Variants in GSN observed in about 807,000 individuals in gnomAD.
GSN encodes actin-depolymerizing factor.
A neutral mutation model predicts 85.7 loss-of-function variants in GSN; 56 were observed. The ratio of observed to expected loss-of-function variants is 0.65; its 90% confidence interval spans 0.53 to 0.82. GSN has a LOEUF of 0.82. Among genes scored for constraint, GSN ranks in the 40% least tolerant of loss-of-function variants. The pLI, the probability that GSN is intolerant of heterozygous loss-of-function variation, is 0.00. For synonymous variants in GSN, 373 were observed against 399.1 expected (o/e 0.93, Z 0.78); for missense variants, 857 against 979.8 (o/e 0.87, Z 1.67).
At position 121,329,111 on chromosome 9, in the gene GSN, G is replaced by A. The variant is rs2063596536; in HGVS notation, c.1887+96G>A. On this transcript the variant is annotated intron_variant, in intron 15 of 17. Coordinates refer to ENST00000432226, the MANE Select transcript of GSN (RefSeq NM_198252.3). The surrounding 1 kb of genome is among the most constrained non-coding windows in gnomAD (Gnocchi z 4.6). ...AGGGGCAGGAGAAACAGTTCTGATGGTGTGGCACAGAGGAAGGGGCCCCCT... is the reference window on the plus strand; with the variant it reads ...AGGGGCAGGAGAAACAGTTCTGATGATGTGGCACAGAGGAAGGGGCCCCCT... The A allele has an allele frequency of 6.4e-7, 1 of 1,555,020 alleles. No individual in the cohort carries two copies. Among genetic ancestry groups the A allele is most frequent in the Admixed American group, 1.7e-5 (1 of 57,404 alleles).
Position 121,318,822 on chromosome 9 carries a change from C to T in GSN, c.1133C>T (p.Thr378Ile). Residue 378 changes from threonine to isoleucine, a missense_variant, in exon 10 of 18, where the codon ACC (threonine) becomes ATC (isoleucine). Thr to Ile is a moderately conservative substitution (Grantham distance 89, BLOSUM62 -1). Transcript: ENST00000432226. The surrounding 1 kb of genome is among the most constrained non-coding windows in gnomAD (Gnocchi z 4.3). The part of the protein sequence containing the change: ...RVPFDAATLH[T>I]STAMAAQHGM... The stretch of plus-strand genomic sequence containing the variant: ...CCCTTCGACGCCGCCACCCTGCACA[C>T]CTCCACTGCCATGGCCGCCCAGCAC... The T allele has an allele frequency of 6.2e-7, 1 of 1,614,150 alleles. No individual in the cohort carries two copies.
chr9:121,228,227 C>T (rs1230520549), intron 4 of GSN, among the ~76,000 whole-genome samples: 1 of 151,700 alleles, frequency 6.6e-6, no homozygotes, highest in East Asian at 1.9e-4. Flanking sequence ...TAGCACAGAC[C>T]CTGCACACCC....
chr9:121,236,515 C>T (rs184807749), intron 5 of GSN, among the ~76,000 whole-genome samples: 1 of 152,154 alleles, frequency 6.6e-6, no homozygotes, highest in Non-Finnish European at 1.5e-5. Context: ...GCCCGGCCAA[C>T]ATGTATTTTC....
intron 2 of GSN, chr9:121,286,614 C>A: frequency 6.6e-7 from 1 of 1,516,754 alleles, no homozygotes; most frequent in Non-Finnish European, 8.8e-7. Flanking sequence ...CCCACAACTG[C>A]TTGAATGACT....
intron 11 of GSN, among the ~76,000 whole-genome samples, chr9:121,322,361 G>A (rs1371527959): frequency 1.3e-5 from 2 of 152,196 alleles, no homozygotes; most frequent in Non-Finnish European, 2.9e-5. Context: ...AGTACATAGA[G>A]ACAGAGAGCT....
chr9:121,300,958 G>A (rs1290935655), intron 2 of GSN, among the ~76,000 whole-genome samples: 1 of 152,178 alleles, frequency 6.6e-6, no homozygotes, highest in Admixed American at 6.5e-5. Flanking sequence ...CACAGAGCTA[G>A]CGCCTGCTGT....
chr9:121,287,041 A>G (rs891674104), intron 2 of GSN, among the ~76,000 whole-genome samples: 13 of 152,108 alleles, frequency 8.5e-5, no homozygotes, highest in Non-Finnish European at 1.8e-4. Context: ...AGGGCCCCAC[A>G]CAAGGGAGTG....
upstream of GSN, among the ~76,000 whole-genome samples, chr9:121,264,197 T>C (rs575832784): frequency 3.3e-5 from 5 of 152,310 alleles, no homozygotes; most frequent in Admixed American, 3.3e-4. Flanking sequence ...CTTACTCCTA[T>C]AATCCCAGCA....
chr9:121,247,302 C>G (rs1158717605), intron 5 of GSN, among the ~76,000 whole-genome samples: 2 of 152,166 alleles, frequency 1.3e-5, no homozygotes, highest in Admixed American at 1.3e-4. Flanking sequence ...AAGGGCCCAT[C>G]TACTCCCACG....
At position 121,299,574 on chromosome 9, in the gene GSN, C is replaced by A. The variant is rs2059560939; in HGVS notation, c.-9-2389C>A. 2 of 636,072 alleles carry A rather than the reference C, an allele frequency of 3.1e-6. No homozygotes were observed. The highest frequency in any genetic ancestry group is 1.3e-4 in the Admixed American group (2 of 15,850). The allele number at this position is 636,072 out of a possible 1,614,324, so 39.4% of individuals were successfully genotyped here. On this transcript the variant is annotated intron_variant, in intron 2 of 17. Coordinates refer to ENST00000432226, the MANE Select transcript of GSN (RefSeq NM_198252.3). The surrounding 1 kb of genome is among the most constrained non-coding windows in gnomAD (Gnocchi z 4.2). Reference sequence around the variant, plus strand: ...GTGCGTCGCAGGAGGCTCAGCTGGGCTCGCCGCCGCTCGTGCCTGCGCCCA... The same window carrying A: ...GTGCGTCGCAGGAGGCTCAGCTGGGATCGCCGCCGCTCGTGCCTGCGCCCA...
Position 121,258,736 on chromosome 9 carries a change from T to C in GSN, c.-340-6418T>C, listed in dbSNP as rs1240839051. 2.0e-5 allele frequency among the ~76,000 whole-genome samples: 3 copies of C among 152,092 alleles called. No individual in the cohort carries two copies. In the East Asian group the frequency reaches 5.8e-4, roughly 29 times the overall value. On this transcript the variant is annotated intron_variant, in intron 6 of 24. Coordinates refer to the GSN transcript ENST00000373823. ...CAATTCTATTACAAGTTTTTTTTTT[T>C]TCCCAGCAGCATAAGTGAGCAGAAT... is the stretch of plus-strand genomic sequence containing the variant.
intron 1 of GSN, among the ~76,000 whole-genome samples, chr9:121,276,608 C>T (rs1422747696): frequency 1.3e-5 from 2 of 152,234 alleles, no homozygotes; most frequent in African/African-American, 4.8e-5. Context: ...TAGGAATCGC[C>T]TGGCTCTACC....
chr9:121,276,636 C>T (rs1298029955), intron 1 of GSN, among the ~76,000 whole-genome samples: 1 of 152,212 alleles, frequency 6.6e-6, no homozygotes, highest in Non-Finnish European at 1.5e-5. Context: ...TTCATGGCTA[C>T]AGATACTTGT....
At chr9:121,224,845 G>A (rs904216576) in intron 4 of GSN, among the ~76,000 whole-genome samples, 1 of 151,460 alleles carries the variant, frequency 6.6e-6, no homozygotes, top group Non-Finnish European at 1.5e-5. Flanking sequence ...TTGAGACAGG[G>A]TCTCACTCTG....
rs1589133813 is a variant in GSN at position 121,318,823 on chromosome 9, C to T, written c.1134C>T (p.Thr378=). Residue 378 remains threonine, a synonymous_variant, in exon 10 of 18, where the codon ACC becomes ACT. Transcript: ENST00000432226. The surrounding 1 kb of genome is among the most constrained non-coding windows in gnomAD (Gnocchi z 4.3). ...RVPFDAATLH[T]STAMAAQHGM... ...CCTTCGACGCCGCCACCCTGCACAC[C>T]TCCACTGCCATGGCCGCCCAGCACG... is the stretch of plus-strand genomic sequence containing the variant. 3.7e-6 allele frequency: 6 copies of T among 1,614,170 alleles called. No individual in the cohort carries two copies. Among genetic ancestry groups the T allele is most frequent in the Admixed American group, 1.7e-5 (1 of 60,038 alleles).
At chr9:121,287,346 G>T (rs548812587) in intron 2 of GSN, among the ~76,000 whole-genome samples, 15 of 152,284 alleles carry the variant, frequency 9.9e-5, no homozygotes, top group African/African-American at 3.6e-4. Flanking sequence ...GGTCTGACCA[G>T]GCCCCTCTCC....
intron 4 of GSN, among the ~76,000 whole-genome samples, chr9:121,306,628 A>C (rs572669655): frequency 1.3e-5 from 2 of 152,256 alleles, no homozygotes; most frequent in Non-Finnish European, 2.9e-5. Flanking sequence ...AATTTTGTTC[A>C]AATAATTTGA....
chr9:121,332,720 T>TGTG lies in GSN; in HGVS notation c.*119_*120insGGT. 1.4e-6 allele frequency: 1 copy of TGTG among 715,424 alleles called. No homozygotes were observed. Among genetic ancestry groups the TGTG allele is most frequent in the Admixed American group, 3.2e-5 (1 of 31,438 alleles). 44.3% of individuals were successfully genotyped at this position (715,424 alleles called of 1,614,324 possible). On this transcript the variant is annotated 3_prime_UTR_variant, in exon 18 of 18. Transcript: ENST00000432226. The surrounding 1 kb of genome is among the most constrained non-coding windows in gnomAD (Gnocchi z 4.8). Reference sequence around the variant, plus strand: ...TATGAGTGTGTGTGTGTGTGTGTGTTGTTTCTTTTTTTTTTTTTTACAGTA... The same window carrying TGTG: ...TATGAGTGTGTGTGTGTGTGTGTGTTGTGGTTTCTTTTTTTTTTTTTTACAGTA...
rs377155077 is a variant in GSN, at chr9:121,213,626, T to C, written c.-528+2759T>C. ...CAGCTGAGATCTTGGCAAATTAGCA[T>C]TGTGAGCTGTTGTATTAATATTAAT... On this transcript the variant is annotated intron_variant, in intron 4 of 24. Transcript: ENST00000373823. Among the ~76,000 whole-genome samples, 50 of 152,330 alleles carry C rather than the reference T, an allele frequency of 3.3e-4. No homozygotes were observed. The East Asian group carries it at 8.9e-3, about 27-fold the overall frequency.
Sources: gnomAD v4.1 joint callset for allele counts (sites outside exome capture counted in the v4.1 genomes callset) on GRCh38, gnomAD v4.1.1 for gene constraint, Gnocchi (gnomAD v3.1) non-coding constraint, MANE v1.5 for transcripts, NCBI Gene and HGNC (gene_info 2026-07-23, HGNC 2026-07-21) for gene names.